The following TRIM2 variants were observed in gnomAD, a reference collection of about 807,000 sequenced individuals.
TRIM2 encodes tripartite motif-containing protein 2.
TRIM2 carries 20 observed loss-of-function variants against 75.2 expected under a neutral mutation model. That is an observed-to-expected ratio of 0.27 (90% CI 0.19 to 0.39). The LOEUF (loss-of-function observed/expected upper bound fraction) is 0.39. Ranked by LOEUF, TRIM2 falls within the 10% of genes least tolerant of loss-of-function variation. The pLI is 1.00. For missense variants in TRIM2, 660 were observed against 990.8 expected (o/e 0.67, Z 4.48); for synonymous variants, 373 against 388.3 (o/e 0.96, Z 0.46).
chr4:153,291,211 G>A (rs2150126608), intron 3 of TRIM2, among the ~76,000 whole-genome samples: 1 of 152,314 alleles, frequency 6.6e-6, no homozygotes, highest in East Asian at 1.9e-4. Flanking sequence ...CAAAACACAT[G>A]TAGTATGAGC....
chr4:153,234,954 C>T (rs770318288), intron 1 of TRIM2, among the ~76,000 whole-genome samples: 3 of 152,186 alleles, frequency 2.0e-5, no homozygotes, highest in Non-Finnish European at 2.9e-5. Context: ...GTCCCACCCT[C>T]GAGCACACAG....
chr4:153,249,970 G>A (rs1345616175), intron 1 of TRIM2, among the ~76,000 whole-genome samples: 1 of 152,174 alleles, frequency 6.6e-6, no homozygotes, highest in Non-Finnish European at 1.5e-5. Flanking sequence ...AGCAATGGGC[G>A]AAACAAAAGA....
chr4:153,331,343 A>T (rs113268107), intron 11 of TRIM2, among the ~76,000 whole-genome samples: 1 of 152,214 alleles, frequency 6.6e-6, no homozygotes, highest in South Asian at 2.1e-4. Flanking sequence ...ACAAAAAAAA[A>T]TTATATTTTT....
Position 153,326,101 on chromosome 4 carries a change from A to AT in TRIM2, c.2022+1960dup, listed in dbSNP as rs1314166977. Among the ~76,000 whole-genome samples the AT allele has an allele frequency of 5.3e-5, 8 of 152,306 alleles. No individual in the cohort carries two copies. The South Asian group carries it at 6.2e-4, about 12-fold the overall frequency. ...TCAGGAAAGGGCTATCATCAAGGTG[A>AT]TTTTTTTAAAAAACTTGCTTTAAAT... On this transcript the variant is annotated intron_variant, in intron 10 of 11. Coordinates refer to ENST00000338700, the MANE Select transcript of TRIM2 (RefSeq NM_015271.5).
chr4:153,277,845 T>G (rs1276757726), intron 3 of TRIM2, among the ~76,000 whole-genome samples: 1 of 152,220 alleles, frequency 6.6e-6, no homozygotes, highest in East Asian at 1.9e-4. Flanking sequence ...AAATTGATCA[T>G]CTAAATTTTG....
At chr4:153,244,023 T>C (rs1026201104) in intron 1 of TRIM2, among the ~76,000 whole-genome samples, 2 of 151,928 alleles carry the variant, frequency 1.3e-5, no homozygotes, top group Admixed American at 6.5e-5. Flanking sequence ...TCTCCCTATG[T>C]TGCCCAGGCT....
intron 6 of TRIM2, among the ~76,000 whole-genome samples, chr4:153,315,120 A>G (rs113387446): frequency 1.2e-3 from 179 of 152,338 alleles, no homozygotes; most frequent in African/African-American, 3.8e-3. Flanking sequence ...CACAGACCTG[A>G]CAGATAGCAG....
chr4:153,333,941 T>C (rs1772044399), intron 11 of TRIM2, among the ~76,000 whole-genome samples: 1 of 152,092 alleles, frequency 6.6e-6, no homozygotes, highest in Non-Finnish European at 1.5e-5. Context: ...TACCAGGGGA[T>C]GGCTTTACCT....
At chr4:153,288,868 C>A (rs1394793626) in intron 3 of TRIM2, among the ~76,000 whole-genome samples, 4 of 151,648 alleles carry the variant, frequency 2.6e-5, no homozygotes, top group Admixed American at 6.6e-5. Flanking sequence ...TTCTGTGGAA[C>A]TTTTCTAGTG....
chr4:153,187,350 C>G (rs1447365675), intron 1 of TRIM2, among the ~76,000 whole-genome samples: 1 of 152,174 alleles, frequency 6.6e-6, no homozygotes, highest in Non-Finnish European at 1.5e-5. Flanking sequence ...ACCCTAAGCC[C>G]ATTTACCGAC....
intron 2 of TRIM2, among the ~76,000 whole-genome samples, chr4:153,274,537 G>A (rs1266933412): frequency 6.6e-6 from 1 of 152,218 alleles, no homozygotes; most frequent in Non-Finnish European, 1.5e-5. Context: ...CAGTTAATGA[G>A]GCTCAAAGGA....
chr4:153,201,244 G>A (rs550260028), upstream of TRIM2, among the ~76,000 whole-genome samples: 42 of 152,232 alleles, frequency 2.8e-4, no homozygotes, highest in Non-Finnish European at 5.1e-4. Context: ...GATTACAGGC[G>A]TGAGCCACCG....
At chr4:153,175,249 T>C (rs1731300388) in intron 1 of TRIM2, among the ~76,000 whole-genome samples, 1 of 152,162 alleles carries the variant, frequency 6.6e-6, no homozygotes, top group Non-Finnish European at 1.5e-5. Flanking sequence ...CTCGAACTGC[T>C]GACCTCGTGA....
At chr4:153,289,882 T>A (rs528769311) in intron 3 of TRIM2, among the ~76,000 whole-genome samples, 1 of 152,204 alleles carries the variant, frequency 6.6e-6, no homozygotes, top group African/African-American at 2.4e-5. Flanking sequence ...CATACACTTA[T>A]ATTTGCCCCA....
intron 1 of TRIM2, among the ~76,000 whole-genome samples, chr4:153,199,104 T>C (rs1342739175): frequency 6.6e-6 from 1 of 152,210 alleles, no homozygotes; most frequent in Non-Finnish European, 1.5e-5. Context: ...AATATGATGA[T>C]CAGGAAAGAA....
At chr4:153,201,711 G>T (rs1309324223), upstream of TRIM2, among the ~76,000 whole-genome samples, 1 of 151,980 alleles carries the variant, frequency 6.6e-6, no homozygotes, top group Non-Finnish European at 1.5e-5. Context: ...AAGAAAAAAA[G>T]AAAGAAAAAA....
At chr4:153,261,069 A>G (rs1361092548) in intron 1 of TRIM2, among the ~76,000 whole-genome samples, 5 of 152,228 alleles carry the variant, frequency 3.3e-5, no homozygotes, top group Non-Finnish European at 7.3e-5. Flanking sequence ...CTATAAATGT[A>G]CCAGAAGATT....
In TRIM2 at chr4:153,204,564, A is replaced by T; in HGVS notation, c.30+4A>T. On this transcript the variant is annotated splice_donor_region_variant and intron_variant, in intron 1 of 11. Transcript: ENST00000338700. ...GAGTGGCCGTTATGGAACGCAGGTA[A>T]GGACGCTTCTCAATGTGGGATAATT... 1 of 1,551,720 alleles carries T rather than the reference A, an allele frequency of 6.4e-7. No homozygotes were observed. Among genetic ancestry groups the T allele is most frequent in the Non-Finnish European group, 8.7e-7 (1 of 1,146,996 alleles).
At chr4:153,325,802 C>T (rs755733143) in intron 10 of TRIM2, among the ~76,000 whole-genome samples, 1 of 152,220 alleles carries the variant, frequency 6.6e-6, no homozygotes, top group Non-Finnish European at 1.5e-5. Flanking sequence ...ATCTCAGAGC[C>T]TTTCCTGTCC....
Sources: gnomAD v4.1 joint callset for allele counts (sites outside exome capture counted in the v4.1 genomes callset) on GRCh38, gnomAD v4.1.1 for gene constraint, MANE v1.5 for transcripts, NCBI Gene and HGNC (gene_info 2026-07-23, HGNC 2026-07-21) for gene names.